The following ULK4 variants were observed in gnomAD, a reference collection of about 807,000 sequenced individuals.
ULK4 encodes the protein unc-51 like kinase 4.
In ULK4, 133 loss-of-function variants were observed where a neutral mutation model predicts 160.6. The observed-to-expected ratio is 0.83, with a 90% CI of 0.72 to 0.96. The LOEUF (loss-of-function observed/expected upper bound fraction) is 0.96. Among genes scored for constraint, ULK4 ranks in the 40% least tolerant of loss-of-function variants. ULK4 has a pLI of 0.00. For missense variants in ULK4, 1,580 were observed against 1,499.5 expected (o/e 1.05, Z -0.89); for synonymous variants, 534 against 539.8 (o/e 0.99, Z 0.15).
At chr3:41,579,026 T>G (rs894831165) in intron 31 of ULK4, among the ~76,000 whole-genome samples, 4 of 152,124 alleles carry the variant, frequency 2.6e-5, no homozygotes, top group African/African-American at 9.7e-5. Context: ...ATACGCTGAG[T>G]GTGTAAGACT....
intron 16 of ULK4, among the ~76,000 whole-genome samples, chr3:41,888,493 G>T (rs1489352731): frequency 6.6e-6 from 1 of 152,144 alleles, no homozygotes; most frequent in Non-Finnish European, 1.5e-5. Context: ...TCAAGGACTT[G>T]GAACAAACTA....
chr3:41,590,647 C>CA (rs535363463), intron 31 of ULK4, among the ~76,000 whole-genome samples: 1 of 150,664 alleles, frequency 6.6e-6, no homozygotes, highest in African/African-American at 2.4e-5. Flanking sequence ...AACAAACAAA[C>CA]AAACAAAAAA....
intron 2 of ULK4, among the ~76,000 whole-genome samples, chr3:41,951,530 G>A (rs372899660): frequency 1.3e-5 from 2 of 152,084 alleles, no homozygotes. Flanking sequence ...AAGGAGCCCA[G>A]AAATAAACCC....
chr3:41,254,120 C>G (rs1269610079), intron 35 of ULK4, among the ~76,000 whole-genome samples: 1 of 152,154 alleles, frequency 6.6e-6, no homozygotes, highest in South Asian at 2.1e-4. Context: ...TACAGAAGAA[C>G]TGAGGAACCC....
At chr3:41,770,837 G>C (rs970479203) in intron 21 of ULK4, among the ~76,000 whole-genome samples, 6 of 152,104 alleles carry the variant, frequency 3.9e-5, no homozygotes, top group East Asian at 1.9e-4. Flanking sequence ...TGAATCATAA[G>C]TAAATAGGGT....
intron 30 of ULK4, among the ~76,000 whole-genome samples, chr3:41,653,304 G>A (rs1238158831): frequency 6.6e-6 from 1 of 152,112 alleles, no homozygotes; most frequent in Non-Finnish European, 1.5e-5. Context: ...TCCTAAGCCT[G>A]CTTACCCTGT....
At position 41,931,484 on chromosome 3, in the gene ULK4, A is replaced by AAAAAG. The variant is rs1156900630; in HGVS notation, c.541+355_541+359dup. 1.9e-4 allele frequency among the ~76,000 whole-genome samples: 29 copies of AAAAAG among 152,022 alleles called. No homozygotes were observed. In the East Asian group the frequency reaches 4.4e-3, roughly 23 times the overall value. ...ACCCTAGAACTTAAAAAAAAAAAAAAAAAAGAAAGAAATATGTTTCAACTG... is the reference window on the plus strand; with the variant it reads ...ACCCTAGAACTTAAAAAAAAAAAAAAAAAAGAAAAGAAAGAAATATGTTTCAACTG... On this transcript the variant is annotated intron_variant, in intron 5 of 36. Transcript: ENST00000301831.
At chr3:41,842,397 A>G (rs2125662782) in intron 17 of ULK4, among the ~76,000 whole-genome samples, 1 of 152,290 alleles carries the variant, frequency 6.6e-6, no homozygotes, top group East Asian at 1.9e-4. Flanking sequence ...TTGGAAATTG[A>G]TATAGTTTGG....
intron 35 of ULK4, among the ~76,000 whole-genome samples, chr3:41,300,376 A>G (rs1170959575): frequency 6.6e-6 from 1 of 152,206 alleles, no homozygotes; most frequent in African/African-American, 2.4e-5. Flanking sequence ...CAAGTTTTAG[A>G]GGAAGAACTC....
At chr3:41,796,282 C>A (rs1157981460) in intron 20 of ULK4, among the ~76,000 whole-genome samples, 1 of 152,072 alleles carries the variant, frequency 6.6e-6, no homozygotes, top group African/African-American at 2.4e-5. Flanking sequence ...GAGAAGAGTT[C>A]TACAAACACA....
intron 35 of ULK4, among the ~76,000 whole-genome samples, chr3:41,288,298 A>G (rs1307566385): frequency 2.6e-5 from 4 of 152,184 alleles, no homozygotes; most frequent in African/African-American, 4.8e-5. Flanking sequence ...GCTTGCTCCC[A>G]GGAAGATGAG....
intron 31 of ULK4, among the ~76,000 whole-genome samples, chr3:41,593,932 G>C (rs1187449895): frequency 2.0e-5 from 3 of 151,936 alleles, no homozygotes; most frequent in African/African-American, 7.2e-5. Context: ...ACCGGGGTTG[G>C]GGGAAGGGGG....
intron 17 of ULK4, among the ~76,000 whole-genome samples, chr3:41,847,308 G>T (rs2042093288): frequency 1.3e-5 from 2 of 152,126 alleles, no homozygotes; most frequent in African/African-American, 4.8e-5. Flanking sequence ...TCTAATACTT[G>T]CAAAGACATA....
intron 35 of ULK4, among the ~76,000 whole-genome samples, chr3:41,307,999 A>T (rs970068062): frequency 1.3e-5 from 2 of 152,154 alleles, no homozygotes; most frequent in Admixed American, 1.3e-4. Context: ...TTAAGGGCAG[A>T]TACAAGAAGA....
intron 30 of ULK4, among the ~76,000 whole-genome samples, chr3:41,641,576 T>C (rs774314412): frequency 2.0e-5 from 3 of 152,046 alleles, no homozygotes; most frequent in Non-Finnish European, 4.4e-5. Flanking sequence ...AATGTGTCTG[T>C]AGTCACAGCT....
chr3:41,890,701 GGGAA>G (rs201351647), intron 16 of ULK4, among the ~76,000 whole-genome samples: 2,166 of 121,102 alleles, frequency 0.018, 37 homozygotes, highest in Middle Eastern at 0.04. Context: ...AAGAAAAGAA[GGGAA>G]GGAAGGGACA....
chr3:41,751,395 C>G (rs1013117085), intron 22 of ULK4, among the ~76,000 whole-genome samples: 1 of 152,116 alleles, frequency 6.6e-6, no homozygotes, highest in African/African-American at 2.4e-5. Context: ...GCTTAGGAGG[C>G]CAAAGACAGG....
At chr3:41,467,764 C>G (rs1179096537) in intron 32 of ULK4, among the ~76,000 whole-genome samples, 1 of 152,060 alleles carries the variant, frequency 6.6e-6, no homozygotes, top group Non-Finnish European at 1.5e-5. Context: ...CTAAAGAAAA[C>G]TTGTCTCTAT....
At chr3:41,620,272 C>T (rs2033179180) in intron 30 of ULK4, among the ~76,000 whole-genome samples, 1 of 152,142 alleles carries the variant, frequency 6.6e-6, no homozygotes, top group South Asian at 2.1e-4. Context: ...AGGCTAGCAT[C>T]ATCCTGATAC....
Sources: allele counts gnomAD v4.1 joint callset (sites outside exome capture counted in the v4.1 genomes callset), GRCh38; gene constraint gnomAD v4.1.1; transcripts MANE v1.5; gene names NCBI Gene and HGNC (gene_info 2026-07-23, HGNC 2026-07-21).